The following TSG101 variants were observed in gnomAD, a reference collection of about 807,000 sequenced individuals.
The protein encoded by TSG101 is tumor susceptibility 101.
A neutral mutation model predicts 48.5 loss-of-function variants in TSG101; 19 were observed. The ratio of observed to expected loss-of-function variants is 0.39; its 90% CI spans 0.27 to 0.58. The LOEUF (loss-of-function observed/expected upper bound fraction) is 0.58. Among genes scored for constraint, TSG101 ranks in the 20% least tolerant of loss-of-function variants. The pLI is 0.55. For missense variants in TSG101, 365 were observed against 484.4 expected (o/e 0.75, Z 2.31); for synonymous variants, 174 against 169.4 (o/e 1.03, Z -0.21).
intron 4 of TSG101, chr11:18,511,068 C>T (rs1232609970): frequency 6.6e-6 from 1 of 152,178 alleles, no homozygotes; most frequent in Non-Finnish European, 1.5e-5. Context: ...GTGTATATCT[C>T]ATCTCACGTA....
intron 4 of TSG101, among the ~76,000 whole-genome samples, chr11:18,510,429 C>G (rs1850059345): frequency 6.6e-6 from 1 of 151,982 alleles, no homozygotes; most frequent in African/African-American, 2.4e-5. Flanking sequence ...TCAAAACAAA[C>G]AAACAAAAAA....
At chr11:18,502,371 AG>A in intron 7 of TSG101, 114 bp downstream of exon 7, 1 of 704,140 alleles carries the variant, frequency 1.4e-6, no homozygotes, top group Non-Finnish European at 2.3e-6. Context: ...ACATTATTAT[AG>A]GTTTTCCTCT....
At chr11:18,483,673 C>A (rs936735046) in intron 8 of TSG101, among the ~76,000 whole-genome samples, 197 bp downstream of exon 8, 6 of 152,026 alleles carry the variant, frequency 3.9e-5, no homozygotes, top group Admixed American at 1.3e-4. Context: ...AAATATTATA[C>A]CCCTCCCAAT....
intron 1 of TSG101, 136 bp downstream of exon 1, chr11:18,526,639 T>C: frequency 9.6e-7 from 1 of 1,042,276 alleles, no homozygotes; most frequent in Non-Finnish European, 1.3e-6. Flanking sequence ...GGCGGGGTTC[T>C]GAGGAGGTCG....
intron 6 of TSG101, among the ~76,000 whole-genome samples, chr11:18,506,430 C>T (rs1411636824): frequency 2.0e-5 from 3 of 151,198 alleles, no homozygotes; most frequent in Non-Finnish European, 4.4e-5. Context: ...TGGTGGCTCA[C>T]ACCTGTAATC....
At chr11:18,509,505 TA>T (rs1565091604) in intron 5 of TSG101, 36 bp downstream of exon 5, 1 of 1,598,796 alleles carries the variant, frequency 6.3e-7, no homozygotes, top group East Asian at 2.2e-5. Flanking sequence ...CTCTTTTGTT[TA>T]TATGAGTTTT....
chr11:18,483,568 T>C (rs1849577884), intron 8 of TSG101, among the ~76,000 whole-genome samples: 1 of 151,448 alleles, frequency 6.6e-6, no homozygotes, highest in African/African-American at 2.4e-5. Context: ...TGTGGAACTG[T>C]AAGTCCAATT....
chr11:18,523,013 C>T (rs905029786), intron 1 of TSG101, among the ~76,000 whole-genome samples: 3 of 152,118 alleles, frequency 2.0e-5, no homozygotes, highest in African/African-American at 7.2e-5. Context: ...TCTCAGCCTC[C>T]CAACCAGCTG....
intron 4 of TSG101, chr11:18,511,004 A>T (rs1293208268): frequency 6.6e-6 from 1 of 152,218 alleles, no homozygotes; most frequent in Non-Finnish European, 1.5e-5. Flanking sequence ...TGCTAGACAA[A>T]GTTGTTCAAA....
At position 18,496,396 on chromosome 11, in the gene TSG101, C is replaced by T. The variant is rs1043485000; in HGVS notation, c.640+6090G>A. 2.0e-5 allele frequency among the ~76,000 whole-genome samples: 3 copies of T among 149,382 alleles called. No homozygotes were observed. In the East Asian group the frequency reaches 6.1e-4, roughly 30 times the overall value. On this transcript the variant is annotated intron_variant, in intron 7 of 9. Coordinates refer to ENST00000251968, the MANE Select transcript of TSG101 (RefSeq NM_006292.4). ...GGCAGAGATTACAGTGAGCCGAGATCATGCCACTGCACTCCAGCCTGGGTG... is the reference window on the plus strand; with the variant it reads ...GGCAGAGATTACAGTGAGCCGAGATTATGCCACTGCACTCCAGCCTGGGTG...
intron 7 of TSG101, among the ~76,000 whole-genome samples, chr11:18,497,857 C>T (rs556448247): frequency 3.6e-4 from 55 of 152,204 alleles, no homozygotes; most frequent in African/African-American, 1.3e-3. Context: ...ACCACTGGAA[C>T]CTGAATAGTG....
intron 5 of TSG101, among the ~76,000 whole-genome samples, chr11:18,507,398 C>T (rs530886370): frequency 1.3e-5 from 2 of 152,266 alleles, no homozygotes; most frequent in South Asian, 2.1e-4. Context: ...AAGTCCTATA[C>T]AAAACTTACA....
chr11:18,480,581 C>A lies in TSG101; in HGVS notation c.1138G>T (p.Ala380Ser), dbSNP rs367779669. The A allele has an allele frequency of 1.2e-5, 20 of 1,613,818 alleles. No individual in the cohort carries two copies. Among genetic ancestry groups the A allele is most frequent in the Non-Finnish European group, 1.4e-5 (17 of 1,179,958 alleles). Residue 380 changes from alanine (A) to serine (S), a missense_variant, in exon 10 of 10, where the codon GCA (alanine) becomes TCA (serine). Coordinates refer to ENST00000251968, the MANE Select transcript of TSG101 (RefSeq NM_006292.4). ...QFQLRALMQKARKTAGLSDLY is the reference protein window; with the variant it reads ...QFQLRALMQKSRKTAGLSDLY ...TCACTGAGACCGGCAGTCTTTCTTG[C>A]TTTTTGCATTAGTGCCCTCAGCTGG... is the stretch of plus-strand genomic sequence containing the variant.
chr11:18,524,979 C>T (rs964638170), intron 1 of TSG101, among the ~76,000 whole-genome samples: 5 of 147,560 alleles, frequency 3.4e-5, no homozygotes, highest in African/African-American at 1.0e-4. Flanking sequence ...GGCCTGATCT[C>T]GACTCACTGC....
Position 18,481,313 on chromosome 11 carries a change from T to C in TSG101, c.1083+317A>G, listed in dbSNP as rs1022611138. The stretch of plus-strand genomic sequence containing the variant: ...CAATCAGTGATCTCAATTTAGGTGG[T>C]ATGACCTCAAAGAACCAATGGAAAT... On this transcript the variant is annotated intron_variant, in intron 9 of 9. Coordinates refer to ENST00000251968, the MANE Select transcript of TSG101 (RefSeq NM_006292.4). 5.1e-6 allele frequency: 5 copies of C among 985,202 alleles called. No individual in the cohort carries two copies. In the Admixed American group the frequency reaches 1.8e-4, roughly 36 times the overall value. The allele number at this position is 985,202 out of a possible 1,614,324, so 61.0% of individuals were successfully genotyped here.
At chr11:18,488,816 AAGTCAAC>A (rs1405738402) in intron 7 of TSG101, among the ~76,000 whole-genome samples, 1 of 152,040 alleles carries the variant, frequency 6.6e-6, no homozygotes, top group Non-Finnish European at 1.5e-5. Flanking sequence ...GGGAAAACCA[AAGTCAAC>A]AGTCAAAAAG....
intron 6 of TSG101, 95 bp from the exon 7 acceptor site, chr11:18,502,672 G>C: frequency 1.1e-6 from 1 of 884,752 alleles, no homozygotes; most frequent in Non-Finnish European, 1.7e-6. Context: ...TTGACATATG[G>C]TTGTTTTACC....
At chr11:18,494,706 G>A (rs1188557897) in intron 7 of TSG101, among the ~76,000 whole-genome samples, 1 of 152,212 alleles carries the variant, frequency 6.6e-6, no homozygotes, top group Non-Finnish European at 1.5e-5. Context: ...TCTGTGAAAG[G>A]TGTGGGGAAG....
At chr11:18,514,176 C>T (rs1215330203) in intron 4 of TSG101, among the ~76,000 whole-genome samples, 2 of 152,066 alleles carry the variant, frequency 1.3e-5, no homozygotes, top group African/African-American at 4.8e-5. Flanking sequence ...TCTACAGAAT[C>T]TTGGCCATAC....
Sources: gnomAD v4.1 joint callset for allele counts (sites outside exome capture counted in the v4.1 genomes callset) on GRCh38, gnomAD v4.1.1 for gene constraint, MANE v1.5 for transcripts, NCBI Gene and HGNC (gene_info 2026-07-23, HGNC 2026-07-21) for gene names.